Variants in ATG13 observed in about 807,000 individuals in gnomAD.
The protein encoded by ATG13 is autophagy related 13, also known as autophagy-related protein 13.
ATG13 carries 23 observed loss-of-function variants against 65.5 expected under a neutral mutation model. That is an observed-to-expected ratio of 0.35 (90% confidence interval 0.25 to 0.50). The LOEUF (loss-of-function observed/expected upper bound fraction) is 0.50. Ranked by LOEUF, ATG13 falls within the 20% of genes least tolerant of loss-of-function variation. The pLI is 0.98. For missense variants in ATG13, 566 were observed against 677.0 expected (o/e 0.84, Z 1.82); for synonymous variants, 252 against 245.2 (o/e 1.03, Z -0.26).
rs202184882 is a variant in ATG13, at chr11:46,669,543, G to A, written c.1575+11G>A. The A allele has an allele frequency of 9.3e-4, 1,506 of 1,613,524 alleles. 2 individuals carry two copies. The highest frequency in any genetic ancestry group is 1.2e-3 in the Non-Finnish European group (1,408 of 1,179,642). ...ATGGCTGAAGACTTGGTATGGAAAC[G>A]TCTTCCTCTACCACAGTGCATCCTT... On this transcript the variant is annotated intron_variant, in intron 18 of 18. Coordinates refer to ENST00000683050, the MANE Select transcript of ATG13 (RefSeq NM_001346311.2).
At chr11:46,661,367 A>T (rs1403317591) in intron 11 of ATG13, among the ~76,000 whole-genome samples, 1 of 150,942 alleles carries the variant, frequency 6.6e-6, no homozygotes, top group Non-Finnish European at 1.5e-5. Context: ...AAATACAAAA[A>T]ATTAGCTGGG....
rs541177083 is a variant in ATG13 at position 46,619,524 on chromosome 11, A to T, written c.-70+1634A>T. Among the ~76,000 whole-genome samples the T allele has an allele frequency of 2.6e-5, 4 of 151,608 alleles. No individual in the cohort carries two copies. The South Asian group carries it at 8.4e-4, about 32-fold the overall frequency. ...CTCAGCCTCCTGAGTAGCTGGGATT[A>T]CAGACATGTGCCAGCACGCCCAGCT... is the stretch of plus-strand genomic sequence containing the variant. On this transcript the variant is annotated intron_variant, in intron 1 of 18. Transcript: ENST00000683050.
intron 1 of ATG13, among the ~76,000 whole-genome samples, chr11:46,627,717 G>A (rs904889321): frequency 6.6e-6 from 1 of 152,016 alleles, no homozygotes; most frequent in African/African-American, 2.4e-5. Flanking sequence ...GATCTCAGGT[G>A]ATCTGCCCGC....
At chr11:46,647,280 GTTTTTT>G (rs60893694) in intron 5 of ATG13, among the ~76,000 whole-genome samples, 1 of 55,912 alleles carries the variant, frequency 1.8e-5, no homozygotes, top group African/African-American at 4.1e-5. Flanking sequence ...TGTTTTTTTT[GTTTTTT>G]TTTTTTGTTT....
chr11:46,620,080 T>C (rs1455539486), intron 1 of ATG13, among the ~76,000 whole-genome samples: 6 of 151,686 alleles, frequency 4.0e-5, no homozygotes, highest in African/African-American at 1.5e-4. Flanking sequence ...CATAGGCAAT[T>C]TGTCTGTGTT....
In ATG13 at chr11:46,657,601, C is replaced by A; in HGVS notation, c.674C>A (p.Pro225His). The part of the protein sequence containing the change: ...FVDRPYPSSS[P>H]MHPCNYRTAG... ...GACCGTCCCTATCCCAGCTCCTCTC[C>A]CATGCACCCCTGCAATTACAGGTGA... The change falls in exon 10 of 19, where the codon CCC becomes CAC. Residue 225 changes from proline to histidine, a missense_variant. Around this residue, in one of 2 missense-constraint regions of ATG13, gnomAD observed 387 missense variants for 409.8 expected, o/e 0.94. Transcript: ENST00000683050. The A allele has an allele frequency of 2.5e-6, 4 of 1,605,924 alleles. No individual in the cohort carries two copies. The highest frequency in any genetic ancestry group is 3.4e-6 in the Non-Finnish European group (4 of 1,176,458).
Position 46,650,275 on chromosome 11 carries a change from G to A in ATG13, c.416G>A (p.Arg139Lys). ...LAITRVTPAY[R>K]LSRKQGHEYV... The stretch of plus-strand genomic sequence containing the variant: ...ATAACTAGGGTGACACCAGCCTATA[G>A]GCTCTCCAGGAAACAAGGGCATGAA... Residue 139 changes from arginine to lysine, a missense_variant, in exon 7 of 19, where the codon AGG (arginine) becomes AAG (lysine). Arg to Lys is a conservative substitution (Grantham distance 26, BLOSUM62 2). Transcript: ENST00000683050. 2 of 1,614,066 alleles carry A rather than the reference G, an allele frequency of 1.2e-6. No individual in the cohort carries two copies. The highest frequency in any genetic ancestry group is 2.2e-5 in the East Asian group (1 of 44,876).
intron 2 of ATG13, among the ~76,000 whole-genome samples, chr11:46,634,680 C>T (rs1202935300): frequency 6.6e-6 from 1 of 151,162 alleles, no homozygotes. Flanking sequence ...CAGGTGTGAT[C>T]CACTGCGCCC....
chr11:46,665,792 TTTTCC>T (rs1409226569), intron 14 of ATG13, among the ~76,000 whole-genome samples: 1 of 147,034 alleles, frequency 6.8e-6, no homozygotes, highest in East Asian at 1.9e-4. Context: ...AAAAATTTAT[TTTTCC>T]TTTTTTTTTT....
At chr11:46,633,320 C>T (rs893518367) in intron 2 of ATG13, among the ~76,000 whole-genome samples, 1 of 151,146 alleles carries the variant, frequency 6.6e-6, no homozygotes, top group African/African-American at 2.4e-5. Flanking sequence ...TGCACCCAGC[C>T]CCCAAAAATT....
At chr11:46,649,699 A>G (rs148065124) in intron 6 of ATG13, among the ~76,000 whole-genome samples, 59 of 152,348 alleles carry the variant, frequency 3.9e-4, no homozygotes, top group African/African-American at 1.4e-3. Flanking sequence ...AAATTGAGGA[A>G]ACATCAACAC....
At chr11:46,636,762 G>A (rs971593090) in intron 2 of ATG13, among the ~76,000 whole-genome samples, 1 of 151,854 alleles carries the variant, frequency 6.6e-6, no homozygotes, top group African/African-American at 2.4e-5. Flanking sequence ...GGGCCTATGT[G>A]ATTTAGTTGA....
chr11:46,672,931 C>T lies in ATG13; in HGVS notation c.*599C>T. The T allele has an allele frequency of 1.3e-6, 1 of 741,964 alleles. No individual in the cohort carries two copies. The highest frequency in any genetic ancestry group is 1.9e-6 in the Non-Finnish European group (1 of 538,812). The allele number at this position is 741,964 out of a possible 1,614,324, so 46.0% of individuals were successfully genotyped here. ...CAGGCCTGCCTACCCAAGATCAGAACTCCAAAACCACTCCCACCCCTGAAG... is the reference window on the plus strand; with the variant it reads ...CAGGCCTGCCTACCCAAGATCAGAATTCCAAAACCACTCCCACCCCTGAAG... On this transcript the variant is annotated 3_prime_UTR_variant, in exon 19 of 19. Coordinates refer to ENST00000683050, the MANE Select transcript of ATG13 (RefSeq NM_001346311.2).
intron 14 of ATG13, among the ~76,000 whole-genome samples, chr11:46,667,292 G>A (rs545716428): frequency 6.6e-6 from 1 of 152,266 alleles, no homozygotes; most frequent in Non-Finnish European, 1.5e-5. Context: ...ACAGCCATGG[G>A]CCCCCACTGC....
intron 8 of ATG13, among the ~76,000 whole-genome samples, chr11:46,656,766 C>G (rs1031802033): frequency 6.6e-6 from 1 of 152,160 alleles, no homozygotes; most frequent in African/African-American, 2.4e-5. Flanking sequence ...CTTTGCAGGG[C>G]TGGTTAGTAG....
Position 46,661,687 on chromosome 11 carries a change from C to T in ATG13, c.789+2202C>T, listed in dbSNP as rs79074875. 1.6e-4 allele frequency among the ~76,000 whole-genome samples: 25 copies of T among 151,900 alleles called. No homozygotes were observed. In the East Asian group the frequency reaches 3.9e-3, roughly 24 times the overall value. The stretch of plus-strand genomic sequence containing the variant: ...TCTCTACCAAAAATAAAAAAATTAG[C>T]GGGTGTGTTGGTACAAACCTGTAGT... On this transcript the variant is annotated intron_variant, in intron 11 of 18. Coordinates refer to ENST00000683050, the MANE Select transcript of ATG13 (RefSeq NM_001346311.2).
intron 8 of ATG13, chr11:46,656,496 C>T: frequency 4.7e-6 from 2 of 423,834 alleles, no homozygotes; most frequent in Non-Finnish European, 8.4e-6. Flanking sequence ...TTCTTTCTTA[C>T]TCTTTATAAA....
intron 7 of ATG13, among the ~76,000 whole-genome samples, chr11:46,654,360 A>G (rs1275261521): frequency 6.8e-6 from 1 of 146,846 alleles, no homozygotes; most frequent in African/African-American, 2.5e-5. Context: ...ACTCTAGTAC[A>G]TTCTGGTCAG....
intron 7 of ATG13, among the ~76,000 whole-genome samples, chr11:46,655,795 T>C (rs367720660): frequency 4.3e-4 from 66 of 152,334 alleles, no homozygotes; most frequent in African/African-American, 1.5e-3. Flanking sequence ...TGGAATGCAA[T>C]GGTGCAATCT....
Sources: gnomAD v4.1 joint callset for allele counts (sites outside exome capture counted in the v4.1 genomes callset) on GRCh38, gnomAD v4.1.1 for gene constraint, gnomAD v4.1.1 regional missense constraint, MANE v1.5 for transcripts, NCBI Gene and HGNC (gene_info 2026-07-23, HGNC 2026-07-21) for gene names.